The following DLG2 variants were observed in gnomAD, a reference collection of about 807,000 sequenced individuals.
DLG2 encodes the protein discs large MAGUK scaffold protein 2, also known as disks large homolog 2.
A neutral mutation model predicts 132.5 loss-of-function variants in DLG2; 45 were observed. The observed-to-expected ratio is 0.34, with a 90% CI of 0.27 to 0.44. The LOEUF (loss-of-function observed/expected upper bound fraction) is 0.44, where lower values mean the gene tolerates loss of function less well. DLG2 is among the 20% of genes least tolerant of loss of function. The pLI, the probability that DLG2 is intolerant of heterozygous loss-of-function variation, is 1.00. For synonymous variants in DLG2, 424 were observed against 419.6 expected, an observed-to-expected ratio of 1.01 and a Z score of -0.13; for missense variants, 1,045 against 1,196.9, an observed-to-expected ratio of 0.87 and a Z score of 1.87.
chr11:83,864,795 G>T (rs1449306423), intron 16 of DLG2, among the ~76,000 whole-genome samples: 2 of 150,346 alleles, frequency 1.3e-5, no homozygotes, highest in East Asian at 2.0e-4. Context: ...AAGAGTCTCT[G>T]AGGGATTGAA....
At chr11:84,951,562 C>T (rs1011473205) in intron 6 of DLG2, among the ~76,000 whole-genome samples, 5 of 150,978 alleles carry the variant, frequency 3.3e-5, no homozygotes, top group Non-Finnish European at 7.4e-5. Flanking sequence ...ACAATAAGTC[C>T]TCATATGTAC....
chr11:85,583,124 GTGTGTGTATATATATATA>G lies in DLG2; in HGVS notation c.40+15515_40+15532del, dbSNP rs1355231264. Among the ~76,000 whole-genome samples, 95 of 41,056 alleles carry G rather than the reference GTGTGTGTATATATATATA, an allele frequency of 2.3e-3. 2 individuals carry two copies. Among genetic ancestry groups the G allele is most frequent in the Admixed American group, 0.018 (62 of 3,354 alleles). 26.9% of individuals were successfully genotyped at this position (41,056 alleles called of 152,430 possible). On this transcript the variant is annotated intron_variant, in intron 3 of 27. Transcript: ENST00000376104. ...TGTGTGTGTGTGTGTGTGTGTGTGT[GTGTGTGTATATATATATA>G]TATATATATATATATATATATATAT...
intron 3 of DLG2, among the ~76,000 whole-genome samples, chr11:85,322,045 G>C (rs1304626776): frequency 6.6e-6 from 1 of 151,944 alleles, no homozygotes; most frequent in Non-Finnish European, 1.5e-5. Flanking sequence ...ATTATATTCA[G>C]TAATATTCTC....
At chr11:83,690,692 G>A (rs2080837013) in intron 18 of DLG2, among the ~76,000 whole-genome samples, 1 of 147,670 alleles carries the variant, frequency 6.8e-6, no homozygotes, top group African/African-American at 2.5e-5. Flanking sequence ...GGGGGTGGGG[G>A]GGGTGTCTGC....
chr11:83,613,949 G>T (rs2060453441), intron 19 of DLG2, among the ~76,000 whole-genome samples: 1 of 152,178 alleles, frequency 6.6e-6, no homozygotes, highest in South Asian at 2.1e-4. Flanking sequence ...CTCTACAGGT[G>T]CTTCTTACCT....
intron 7 of DLG2, among the ~76,000 whole-genome samples, chr11:84,355,376 G>C (rs2098605088): frequency 2.6e-5 from 4 of 151,912 alleles, no homozygotes; most frequent in Admixed American, 6.6e-5. Flanking sequence ...GGGACCTTTG[G>C]GAGGTGACTG....
chr11:85,066,826 A>T (rs1339157907), intron 6 of DLG2, among the ~76,000 whole-genome samples: 2 of 151,740 alleles, frequency 1.3e-5, no homozygotes, highest in Non-Finnish European at 3.0e-5. Context: ...AAACCTACAG[A>T]CAACATGGGG....
At chr11:84,072,232 T>C (rs1594660388) in intron 10 of DLG2, among the ~76,000 whole-genome samples, 1 of 152,232 alleles carries the variant, frequency 6.6e-6, no homozygotes, top group East Asian at 1.9e-4. Flanking sequence ...CACAATCTGA[T>C]TGCTATTCAC....
intron 6 of DLG2, among the ~76,000 whole-genome samples, chr11:85,071,259 C>A (rs2065825255): frequency 6.6e-6 from 1 of 151,748 alleles, no homozygotes; most frequent in Non-Finnish European, 1.5e-5. Context: ...CATGGAAGCT[C>A]AAGGTAGATA....
At chr11:83,620,121 C>T (rs2061402734) in intron 19 of DLG2, among the ~76,000 whole-genome samples, 1 of 151,950 alleles carries the variant, frequency 6.6e-6, no homozygotes, top group Admixed American at 6.6e-5. Context: ...GTATGGAATC[C>T]TGAGTTTGAA....
chr11:85,391,680 C>T (rs1401585903), intron 3 of DLG2, among the ~76,000 whole-genome samples: 4 of 152,012 alleles, frequency 2.6e-5, no homozygotes, highest in Non-Finnish European at 4.4e-5. Context: ...GAACTAAAAA[C>T]AAAAATCAGA....
intron 4 of DLG2, among the ~76,000 whole-genome samples, chr11:85,158,534 T>C (rs957474216): frequency 7.2e-5 from 11 of 152,204 alleles, no homozygotes; most frequent in South Asian, 4.2e-4. Flanking sequence ...CCTTACAAAA[T>C]AGATTTGTGA....
chr11:85,577,979 G>A (rs1260733154), intron 3 of DLG2, among the ~76,000 whole-genome samples: 2 of 152,140 alleles, frequency 1.3e-5, no homozygotes, highest in Non-Finnish European at 2.9e-5. Flanking sequence ...CATGCTACCT[G>A]ACTTCAAACT....
chr11:85,096,303 T>G (rs1164517091), intron 6 of DLG2, among the ~76,000 whole-genome samples: 1 of 152,176 alleles, frequency 6.6e-6, no homozygotes. Flanking sequence ...CTGCTCACTC[T>G]TTGGGTCCAC....
intron 3 of DLG2, among the ~76,000 whole-genome samples, chr11:85,549,750 T>C (rs2076557667): frequency 6.6e-6 from 1 of 152,212 alleles, no homozygotes; most frequent in Non-Finnish European, 1.5e-5. Context: ...AAGATGGTGA[T>C]GAAAGTGACC....
At chr11:83,744,271 G>A (rs933082612) in intron 18 of DLG2, among the ~76,000 whole-genome samples, 7 of 152,062 alleles carry the variant, frequency 4.6e-5, no homozygotes, top group Non-Finnish European at 1.0e-4. Context: ...CAATTATTCA[G>A]CAATACTACA....
chr11:84,527,910 T>C (rs994166452), intron 7 of DLG2, among the ~76,000 whole-genome samples: 4 of 151,222 alleles, frequency 2.6e-5, no homozygotes, highest in African/African-American at 9.7e-5. Flanking sequence ...TCTCTCTCTC[T>C]CTCTCTCTCT....
At chr11:84,987,631 T>A (rs1452260120) in intron 6 of DLG2, among the ~76,000 whole-genome samples, 3 of 152,150 alleles carry the variant, frequency 2.0e-5, no homozygotes, top group African/African-American at 7.2e-5. Context: ...TACAACCAAC[T>A]GATCTTTGAC....
At chr11:84,809,210 G>C (rs187139173) in intron 6 of DLG2, among the ~76,000 whole-genome samples, 1 of 152,002 alleles carries the variant, frequency 6.6e-6, no homozygotes, top group East Asian at 1.9e-4. Context: ...AATCTATGCA[G>C]AAAATACAGT....
Sources: allele counts gnomAD v4.1 joint callset (sites outside exome capture counted in the v4.1 genomes callset), GRCh38; gene constraint gnomAD v4.1.1; transcripts MANE v1.5; gene names NCBI Gene and HGNC (gene_info 2026-07-23, HGNC 2026-07-21).